The following CELF2 variants were observed in gnomAD, a reference collection of about 807,000 sequenced individuals.
CELF2 encodes CUG triplet repeat RNA-binding protein 2.
CELF2 carries 8 observed loss-of-function variants against 62.6 expected under a neutral mutation model. The ratio of observed to expected loss-of-function variants is 0.13; its 90% CI spans 0.07 to 0.23. CELF2 has a LOEUF of 0.23. CELF2 is among the 10% of genes least tolerant of loss of function. The pLI is 1.00. For synonymous variants in CELF2, 258 were observed against 250.0 expected (o/e 1.03, Z -0.30); for missense variants, 333 against 671.0 (o/e 0.50, Z 5.56).
At chr10:10,670,555 G>C in the CELF2 span, among the ~76,000 whole-genome samples, 2,554 of 152,222 alleles carry the variant, frequency 0.017, 53 homozygotes, top group South Asian at 0.076. Context: ...TCCCCAACCA[G>C]AGTGGGGCAT....
chr10:10,903,754 G>A (rs933103891), intron 1 of CELF2, among the ~76,000 whole-genome samples: 1 of 152,142 alleles, frequency 6.6e-6, no homozygotes, highest in Admixed American at 6.5e-5. Flanking sequence ...AGGGCGTCAG[G>A]GATACTGGAG....
intron 1 of CELF2, among the ~76,000 whole-genome samples, chr10:11,108,348 G>GTTTTT (rs138546101): frequency 2.0e-5 from 3 of 149,526 alleles, no homozygotes. Context: ...CTGGTTCACT[G>GTTTTT]TTTTTTTGTT....
rs1044960631 is a variant in CELF2 at position 10,938,608 on chromosome 10, T to C, written c.89+18609T>C. 6.6e-6 allele frequency among the ~76,000 whole-genome samples: 1 copy of C among 152,232 alleles called. No homozygotes were observed. Among genetic ancestry groups the C allele is most frequent in the African/African-American group, 2.4e-5 (1 of 41,462 alleles). On this transcript the variant is annotated intron_variant, in intron 2 of 13. Transcript: ENST00000636488. This position sits in a 1 kb window ranked among gnomAD's most constrained non-coding sequence, Gnocchi z 4.2. ...ATTACTTGGGGGAAAACAGGAGTTG[T>C]ATGACAATTTGGAGGTCCTTTTCTT...
At chr10:11,216,315 C>G (rs990291249) in intron 2 of CELF2, among the ~76,000 whole-genome samples, 1 of 152,150 alleles carries the variant, frequency 6.6e-6, no homozygotes, top group African/African-American at 2.4e-5. Context: ...TTATTTTCCC[C>G]CTGAAATGGC....
At chr10:10,676,078 T>G in the CELF2 span, among the ~76,000 whole-genome samples, 1 of 152,196 alleles carries the variant, frequency 6.6e-6, no homozygotes, top group African/African-American at 2.4e-5. Flanking sequence ...GCTTTAATAA[T>G]GTAGTGGTAA....
intron 8 of CELF2, 134 bp from the exon 9 acceptor site, chr10:11,288,284 A>C (rs2091833527): frequency 9.3e-7 from 1 of 1,079,376 alleles, no homozygotes; most frequent in South Asian, 1.6e-5. Flanking sequence ...CCCAGCTCCC[A>C]CCCAGGCAGG....
the CELF2 span, among the ~76,000 whole-genome samples, chr10:10,570,219 C>G: frequency 2.0e-5 from 3 of 152,140 alleles, no homozygotes; most frequent in Non-Finnish European, 4.4e-5. Context: ...AACCCACCTC[C>G]TGGATCAGTC....
At chr10:10,623,824 G>T in the CELF2 span, among the ~76,000 whole-genome samples, 1 of 152,154 alleles carries the variant, frequency 6.6e-6, no homozygotes, top group Non-Finnish European at 1.5e-5. Flanking sequence ...TCGAAATAGG[G>T]TTTATTATAC....
the CELF2 span, among the ~76,000 whole-genome samples, chr10:10,593,957 A>G: frequency 6.6e-6 from 1 of 152,190 alleles, no homozygotes; most frequent in African/African-American, 2.4e-5. Context: ...AAACACACAT[A>G]GTATAAAGCT....
Position 11,117,108 on chromosome 10 carries a change from T to A in CELF2, c.75-48378T>A, listed in dbSNP as rs2056727882. ...TCAAGCCACTATGCTGTGCTGCTTC[T>A]GAGTAATACAAGGCAATGATTTGTA... On this transcript the variant is annotated intron_variant, in intron 1 of 12. Transcript: ENST00000633077. The surrounding 1 kb of genome is among the most constrained non-coding windows in gnomAD (Gnocchi z 4.1). 6.6e-6 allele frequency among the ~76,000 whole-genome samples: 1 copy of A among 152,224 alleles called. No individual in the cohort carries two copies. Among genetic ancestry groups the A allele is most frequent in the Non-Finnish European group, 1.5e-5 (1 of 68,036 alleles).
At chr10:10,472,083 T>C in the CELF2 span, among the ~76,000 whole-genome samples, 2 of 151,914 alleles carry the variant, frequency 1.3e-5, no homozygotes, top group Admixed American at 6.6e-5. Flanking sequence ...TAGTTTTCTT[T>C]GTTTTAGTTC....
intron 1 of CELF2, among the ~76,000 whole-genome samples, chr10:11,163,452 G>A (rs1049220132): frequency 4.6e-5 from 7 of 152,138 alleles, no homozygotes; most frequent in East Asian, 1.9e-4. Flanking sequence ...CCTCCACCCC[G>A]CTACAGCCAC....
chr10:11,245,294 C>T (rs904919245), intron 3 of CELF2, among the ~76,000 whole-genome samples: 1 of 152,022 alleles, frequency 6.6e-6, no homozygotes, highest in Non-Finnish European at 1.5e-5. Context: ...CTCCTCCCAC[C>T]CATTTTTTTG....
chr10:10,569,203 T>G, the CELF2 span, among the ~76,000 whole-genome samples: 1 of 152,092 alleles, frequency 6.6e-6, no homozygotes, highest in African/African-American at 2.4e-5. Context: ...TGAGACTGGG[T>G]AATTTATAAA....
At chr10:10,910,612 A>G (rs1484779277) in intron 1 of CELF2, among the ~76,000 whole-genome samples, 1 of 146,986 alleles carries the variant, frequency 6.8e-6, no homozygotes, top group African/African-American at 2.5e-5. Flanking sequence ...AGGCAAGAGA[A>G]TCGCTTGAAC....
chr10:11,233,698 C>A (rs1055448893), intron 3 of CELF2, among the ~76,000 whole-genome samples: 1 of 152,220 alleles, frequency 6.6e-6, no homozygotes, highest in East Asian at 1.9e-4. Context: ...CCTACATACA[C>A]TTCACCTTTC....
chr10:10,520,476 A>G, the CELF2 span, among the ~76,000 whole-genome samples: 313 of 152,304 alleles, frequency 2.1e-3, 1 homozygote, highest in African/African-American at 7.3e-3. Flanking sequence ...CCCAATACTT[A>G]AGAGCATGTC....
intron 3 of CELF2, among the ~76,000 whole-genome samples, chr10:11,229,191 G>A (rs1241349032): frequency 2.0e-5 from 3 of 152,146 alleles, no homozygotes; most frequent in Non-Finnish European, 4.4e-5. Flanking sequence ...CCATGCCCCC[G>A]TGATTTCTCT....
chr10:10,465,637 T>TCACC, the CELF2 span, among the ~76,000 whole-genome samples: 1 of 152,122 alleles, frequency 6.6e-6, no homozygotes, highest in Admixed American at 6.6e-5. Context: ...TCATTTCTCA[T>TCACC]CACCCACTGC....
Sources: gnomAD v4.1 joint callset for allele counts (sites outside exome capture counted in the v4.1 genomes callset) on GRCh38, gnomAD v4.1.1 for gene constraint, Gnocchi (gnomAD v3.1) non-coding constraint, MANE v1.5 for transcripts, NCBI Gene and HGNC (gene_info 2026-07-23, HGNC 2026-07-21) for gene names.